PTPRG: variants seen among roughly 807,000 people sequenced by gnomAD.
PTPRG encodes protein tyrosine phosphatase receptor type G, also known as receptor-type tyrosine-protein phosphatase gamma.
Under a neutral mutation model 165.3 loss-of-function variants are expected in PTPRG, and 102 were observed. The observed-to-expected ratio is 0.62, with a 90% CI of 0.53 to 0.73. The LOEUF (loss-of-function observed/expected upper bound fraction) is 0.73. PTPRG is among the 30% of genes least tolerant of loss of function. PTPRG has a pLI of 0.00. For missense variants in PTPRG, 1,866 were observed against 1,861.4 expected (o/e 1.00, Z -0.05); for synonymous variants, 675 against 669.5 (o/e 1.01, Z -0.13).
intron 2 of PTPRG, among the ~76,000 whole-genome samples, chr3:61,831,476 T>C (rs1394604346): frequency 1.3e-5 from 2 of 152,238 alleles, no homozygotes; most frequent in East Asian, 3.8e-4. Flanking sequence ...TTTTTTGTTT[T>C]TGTTTTTGTT....
intron 3 of PTPRG, among the ~76,000 whole-genome samples, chr3:61,999,489 A>T (rs545778685): frequency 1.1e-3 from 162 of 152,276 alleles, no homozygotes; most frequent in Non-Finnish European, 1.6e-3. Flanking sequence ...GGACAAAAAC[A>T]TTCAGTCTGT....
At chr3:62,024,510 G>C (rs191345352) in intron 4 of PTPRG, among the ~76,000 whole-genome samples, 14 of 152,264 alleles carry the variant, frequency 9.2e-5, no homozygotes, top group Admixed American at 6.5e-4. Context: ...ACTCCATCAC[G>C]CTTAGGTAGC....
intron 1 of PTPRG, among the ~76,000 whole-genome samples, chr3:61,715,454 A>G (rs2031762501): frequency 6.6e-6 from 1 of 152,084 alleles, no homozygotes; most frequent in South Asian, 2.1e-4. Flanking sequence ...CCTGGGCTCA[A>G]GATGTCCACC....
At chr3:61,890,323 C>G (rs2038173811) in intron 2 of PTPRG, among the ~76,000 whole-genome samples, 1 of 150,710 alleles carries the variant, frequency 6.6e-6, no homozygotes, top group Non-Finnish European at 1.5e-5. Flanking sequence ...GTATCTTAGT[C>G]TGTTTGATTA....
chr3:62,057,234 T>A (rs1363247488), intron 4 of PTPRG, among the ~76,000 whole-genome samples: 2 of 152,212 alleles, frequency 1.3e-5, no homozygotes, highest in African/African-American at 4.8e-5. Flanking sequence ...TTTTTAACCC[T>A]GGTGTTTATG....
intron 17 of PTPRG, among the ~76,000 whole-genome samples, chr3:62,265,496 G>C (rs1334756842): frequency 6.6e-6 from 1 of 152,050 alleles, no homozygotes; most frequent in African/African-American, 2.4e-5. Flanking sequence ...TTTTCTAGTA[G>C]TTTTTTCTTG....
chr3:62,142,815 A>G (rs975130089), intron 6 of PTPRG, among the ~76,000 whole-genome samples: 2 of 152,210 alleles, frequency 1.3e-5, no homozygotes, highest in African/African-American at 4.8e-5. Context: ...TGACAGGTTT[A>G]AACACAAAGG....
At chr3:61,788,912 C>T (rs2034790894) in intron 2 of PTPRG, among the ~76,000 whole-genome samples, 1 of 152,166 alleles carries the variant, frequency 6.6e-6, no homozygotes, top group Non-Finnish European at 1.5e-5. Flanking sequence ...CCAAGACTGG[C>T]TCCCTACCTT....
chr3:61,928,070 A>T (rs574312185), intron 2 of PTPRG, among the ~76,000 whole-genome samples: 1 of 152,272 alleles, frequency 6.6e-6, no homozygotes, highest in East Asian at 1.9e-4. Flanking sequence ...TAGCCTGATG[A>T]TGGATTATGC....
intron 13 of PTPRG, among the ~76,000 whole-genome samples, chr3:62,223,962 C>A (rs1700706240): frequency 6.6e-6 from 1 of 151,990 alleles, no homozygotes; most frequent in African/African-American, 2.4e-5. Context: ...AGTATTTATC[C>A]TAGAAATAGA....
In PTPRG at chr3:62,178,869, T is replaced by A. The variant is rs573538320; in HGVS notation, c.1033+10706T>A. ...ATTGGGTTTACTTGTGTGGGCACCA[T>A]GGTGCTTGTGAACAGCAATCTGGAA... On this transcript the variant is annotated intron_variant, in intron 8 of 29. Coordinates refer to ENST00000474889, the MANE Select transcript of PTPRG (RefSeq NM_002841.4). Among the ~76,000 whole-genome samples, 3 of 152,344 alleles carry A rather than the reference T, an allele frequency of 2.0e-5. No individual in the cohort carries two copies. The East Asian group carries it at 5.8e-4, about 29-fold the overall frequency.
chr3:62,111,151 T>G (rs184415710), intron 5 of PTPRG, among the ~76,000 whole-genome samples: 1 of 152,364 alleles, frequency 6.6e-6, no homozygotes, highest in East Asian at 1.9e-4. Context: ...ATTGTTGTAG[T>G]GAGTTCCTTG....
At chr3:62,178,368 A>G (rs72874691) in intron 8 of PTPRG, among the ~76,000 whole-genome samples, 13,771 of 152,214 alleles carry the variant, frequency 0.09, 1,763 homozygotes, top group African/African-American at 0.28. Context: ...AGTTTGCACA[A>G]TTGGGACATG....
At position 61,652,238 on chromosome 3, in the gene PTPRG, C is replaced by T. The variant is rs150836613; in HGVS notation, c.85+89866C>T. 9.1e-3 allele frequency among the ~76,000 whole-genome samples: 1,384 copies of T among 151,920 alleles called. 26 individuals carry two copies. The highest frequency in any genetic ancestry group is 0.029 in the African/African-American group (1,192 of 41,404). Reference sequence around the variant, plus strand: ...CAGAGAATTGCTTGAACCTGGGAGGCGGAGGTTGCACCGAGCCCAGATCGC... The same window carrying T: ...CAGAGAATTGCTTGAACCTGGGAGGTGGAGGTTGCACCGAGCCCAGATCGC... On this transcript the variant is annotated intron_variant, in intron 1 of 29. Coordinates refer to ENST00000474889, the MANE Select transcript of PTPRG (RefSeq NM_002841.4).
At position 61,684,514 on chromosome 3, in the gene PTPRG, C is replaced by T. The variant is rs73099114; in HGVS notation, c.86-64364C>T. ...GATATTGAGAGAAACAAAGGGAACA[C>T]GTCCAAGCCCAGAGGGGCTCTGTCT... On this transcript the variant is annotated intron_variant, in intron 1 of 29. Transcript: ENST00000474889. Among the ~76,000 whole-genome samples, 942 of 152,254 alleles carry T rather than the reference C, an allele frequency of 6.2e-3. 6 individuals carry two copies. Among genetic ancestry groups the T allele is most frequent in the Admixed American group, 0.012 (177 of 15,290 alleles).
At chr3:61,648,856 A>G (rs1458859315) in intron 1 of PTPRG, among the ~76,000 whole-genome samples, 3 of 152,228 alleles carry the variant, frequency 2.0e-5, no homozygotes, top group Non-Finnish European at 2.9e-5. Flanking sequence ...TGGTGAGGCA[A>G]TCTCCACTTT....
intron 27 of PTPRG, among the ~76,000 whole-genome samples, chr3:62,282,406 A>G (rs985029499): frequency 6.1e-5 from 9 of 148,622 alleles, no homozygotes; most frequent in African/African-American, 2.2e-4. Flanking sequence ...TTTTTTTTTA[A>G]TTTTTTTAGA....
At chr3:61,577,708 C>A (rs957653839) in intron 1 of PTPRG, among the ~76,000 whole-genome samples, 1 of 152,148 alleles carries the variant, frequency 6.6e-6, no homozygotes, top group Admixed American at 6.5e-5. Flanking sequence ...CGGCACTGGT[C>A]TAGAGAGCTC....
chr3:61,966,021 T>C (rs1001444202), intron 2 of PTPRG, among the ~76,000 whole-genome samples: 2 of 152,232 alleles, frequency 1.3e-5, no homozygotes, highest in Non-Finnish European at 2.9e-5. Flanking sequence ...CTATTCTAGC[T>C]CCATCTGCAT....
Sources: gnomAD v4.1 joint callset for allele counts (sites outside exome capture counted in the v4.1 genomes callset) on GRCh38, gnomAD v4.1.1 for gene constraint, MANE v1.5 for transcripts, NCBI Gene and HGNC (gene_info 2026-07-23, HGNC 2026-07-21) for gene names.